The following HMCN2 variants were observed in gnomAD, a reference collection of about 807,000 sequenced individuals.
HMCN2 encodes hemicentin-2.
Under a neutral mutation model 377.5 loss-of-function variants are expected in HMCN2, and 325 were observed. The observed-to-expected ratio is 0.86, with a 90% CI of 0.79 to 0.94. HMCN2 has a LOEUF of 0.94. Ranked by LOEUF, HMCN2 falls within the 40% of genes least tolerant of loss-of-function variation. The pLI is 0.00. For synonymous variants in HMCN2, 2,007 were observed against 2,046.8 expected (o/e 0.98, Z 0.53); for missense variants, 4,543 against 4,725.3 (o/e 0.96, Z 1.13).
In HMCN2 at chr9:130,360,929, C is replaced by G. The variant is rs1001648625; in HGVS notation, c.5950+325C>G. On this transcript the variant is annotated intron_variant, in intron 38 of 97. Transcript: ENST00000683500. The surrounding 1 kb of genome is among the most constrained non-coding windows in gnomAD (Gnocchi z 4.7). The stretch of plus-strand genomic sequence containing the variant: ...CCATCCATTTATCCACCCAACCATC[C>G]TTTCATTCATTTATCTACCCACCTG... Among the ~76,000 whole-genome samples, 4 of 151,846 alleles carry G rather than the reference C, an allele frequency of 2.6e-5. No individual in the cohort carries two copies. The highest frequency in any genetic ancestry group is 6.6e-5 in the Admixed American group (1 of 15,240).
At chr9:130,376,488 C>T (rs1178446716) in intron 51 of HMCN2, 28 bp from the exon 52 acceptor site, 2 of 983,654 alleles carry the variant, frequency 2.0e-6, no homozygotes, top group Non-Finnish European at 2.4e-6. Context: ...TCCCCCAGCT[C>T]TGCTCTCAGA....
rs12352819 is a variant in HMCN2, at chr9:130,396,276, C to T, written c.11161C>T (p.Arg3721Trp). The T allele has an allele frequency of 0.037, 47,864 of 1,282,156 alleles. 2,287 individuals are homozygous for T. The highest frequency in any genetic ancestry group is 0.22 in the African/African-American group (14,682 of 65,528). The allele number at this position is 1,282,156 out of a possible 1,614,324, so 79.4% of individuals were successfully genotyped here. ...CGTGCCCGCACCCCTCGTGAGCTGG[C>T]GGAAGGACAGGGTCCCCCTGGATCC... is the stretch of plus-strand genomic sequence containing the variant. ...DGVPAPLVSWRKDRVPLDPRS... is the reference protein window; with the variant it reads ...DGVPAPLVSWWKDRVPLDPRS... The change falls in exon 73 of 98, where the codon CGG becomes TGG. Residue 3721 changes from arginine to tryptophan, a missense_variant. Arg to Trp is a moderately radical substitution (Grantham distance 101). Coordinates refer to ENST00000683500, the MANE Select transcript of HMCN2 (RefSeq NM_001291815.2).
At chr9:130,271,139 C>A (rs146564537) in intron 1 of HMCN2, among the ~76,000 whole-genome samples, 1 of 145,204 alleles carries the variant, frequency 6.9e-6, no homozygotes, top group Admixed American at 6.8e-5. Flanking sequence ...ATATCAAGAG[C>A]ACACGCTATC....
intron 59 of HMCN2, 90 bp from the exon 60 acceptor site, chr9:130,385,470 G>A: frequency 1.1e-6 from 1 of 921,850 alleles, no homozygotes; most frequent in South Asian, 1.5e-5. Flanking sequence ...GTGTGACCCT[G>A]GTGGGTTTCC....
rs1464268868 is a variant in HMCN2 at position 130,418,628 on chromosome 9, G to A, written c.12962-144G>A. ...TGTCTAGAGGGAAATATTCAGGAAC[G>A]ATGACTGGGTGGAAGGATCCTATGC... On this transcript the variant is annotated intron_variant, in intron 85 of 97. Coordinates refer to ENST00000683500, the MANE Select transcript of HMCN2 (RefSeq NM_001291815.2). 19 of 584,182 alleles carry A rather than the reference G, an allele frequency of 3.3e-5. No homozygotes were observed. In the South Asian group the frequency reaches 7.2e-4, roughly 22 times the overall value. 36.2% of individuals were successfully genotyped at this position (584,182 alleles called of 1,614,324 possible). A position where few individuals can be genotyped will look rare whatever the true frequency, so the allele number is the denominator to read the frequency against.
chr9:130,389,971 T>G (rs886312629), intron 62 of HMCN2, among the ~76,000 whole-genome samples: 4 of 152,260 alleles, frequency 2.6e-5, no homozygotes, highest in Non-Finnish European at 4.4e-5. Context: ...GTGCATCCAC[T>G]GGTCAGTTGA....
rs780165429 is a variant in HMCN2, at chr9:130,425,847, G to C, written c.13802G>C (p.Arg4601Pro). ...CAGCCCCAGCTGGTGCAGCACCTGC[G>C]GGCCTCAGCTATCAGCTCGGCCTTT... ...GPQPQLVQHL[R>P]ASAISSAFDP... is the part of the protein sequence containing the mutation. Residue 4601 changes from arginine (R) to proline (P), a missense_variant, in exon 90 of 98, where the codon CGG (arginine) becomes CCG (proline). Arg to Pro is a moderately radical substitution (Grantham distance 103). Transcript: ENST00000683500. 3.9e-6 allele frequency: 6 copies of C among 1,550,402 alleles called. No homozygotes were observed. The highest frequency in any genetic ancestry group is 5.2e-6 in the Non-Finnish European group (6 of 1,146,942).
At chr9:130,302,600 C>T (rs1488570328) in intron 8 of HMCN2, among the ~76,000 whole-genome samples, 2 of 152,174 alleles carry the variant, frequency 1.3e-5, no homozygotes, top group African/African-American at 4.8e-5. Context: ...GCTGGTGATG[C>T]CACACACATT....
chr9:130,364,958 G>A (rs1840613987), intron 41 of HMCN2, 69 bp downstream of exon 41: 4 of 921,672 alleles, frequency 4.3e-6, no homozygotes, highest in Non-Finnish European at 5.2e-6. Flanking sequence ...GCCTGCAGGT[G>A]CCCCAGCTCA....
chr9:130,415,996 C>T (rs901702330), intron 85 of HMCN2, among the ~76,000 whole-genome samples: 1 of 152,156 alleles, frequency 6.6e-6, no homozygotes, highest in African/African-American at 2.4e-5. Context: ...ACAGCCATCC[C>T]TAATAAAACC....
rs1361383543 is a variant in HMCN2 at position 130,403,084 on chromosome 9, G to A, written c.11879-110G>A. ...CTTGTTGCTGTGGCCGATGTTTCTA[G>A]AACCCCCGTTCTCCTTAGAGGCCTC... On this transcript the variant is annotated intron_variant, in intron 78 of 97. Transcript: ENST00000683500. The A allele has an allele frequency of 7.1e-6, 8 of 1,128,402 alleles. No homozygotes were observed. The Admixed American group carries it at 2.5e-4, about 36-fold the overall frequency. 69.9% of individuals were successfully genotyped at this position (1,128,402 alleles called of 1,614,324 possible). A position where few individuals can be genotyped will look rare whatever the true frequency, so the allele number is the denominator to read the frequency against.
rs1842522880 is a variant in HMCN2, at chr9:130,394,873, T to C, written c.10693-154T>C. On this transcript the variant is annotated intron_variant, in intron 69 of 97. Coordinates refer to ENST00000683500, the MANE Select transcript of HMCN2 (RefSeq NM_001291815.2). The surrounding 1 kb of genome is among the most constrained non-coding windows in gnomAD (Gnocchi z 5.1). ...CACCAGCCCTAAAGCAACAGTGAGA[T>C]GGAGGGAGAGGGCGTGGGTTGGCTG... is the stretch of plus-strand genomic sequence containing the variant. Among the ~76,000 whole-genome samples, 1 of 152,096 alleles carries C rather than the reference T, an allele frequency of 6.6e-6. No homozygotes were observed. The highest frequency in any genetic ancestry group is 2.1e-4 in the South Asian group (1 of 4,820).
At position 130,375,586 on chromosome 9, in the gene HMCN2, G is replaced by A; in HGVS notation, c.7654G>A (p.Ala2552Thr). ...AGTGGCTCCCACCATCCTGGGAGGG[G>A]CCGAGGACAGTGCAGATGAGGAGGT... ...VLLAPTILGG[A>T]EDSADEEVTV... is the part of the protein sequence containing the mutation. Residue 2552 changes from alanine to threonine, a missense_variant, in exon 50 of 98, where the codon GCC becomes ACC. Ala to Thr is a moderately conservative substitution (Grantham distance 58). Coordinates refer to ENST00000683500, the MANE Select transcript of HMCN2 (RefSeq NM_001291815.2). 1 of 985,856 alleles carries A rather than the reference G, an allele frequency of 1.0e-6. No homozygotes were observed. The highest frequency in any genetic ancestry group is 1.2e-6 in the Non-Finnish European group (1 of 829,956). The allele number at this position is 985,856 out of a possible 1,614,324, so 61.1% of individuals were successfully genotyped here.
Position 130,391,378 on chromosome 9 carries a change from A to G in HMCN2, c.9827+15A>G. The G allele has an allele frequency of 1.0e-6, 1 of 987,728 alleles. No homozygotes were observed. Among genetic ancestry groups the G allele is most frequent in the Non-Finnish European group, 1.2e-6 (1 of 830,124 alleles). 61.2% of individuals were successfully genotyped at this position (987,728 alleles called of 1,614,324 possible). On this transcript the variant is annotated intron_variant, in intron 64 of 97. Transcript: ENST00000683500. ...CCCCACCTCCGGTAAGACTTGGCCC[A>G]TGCCCTCCCCAGAGGCGGTAGGGCC...
intron 22 of HMCN2, among the ~76,000 whole-genome samples, chr9:130,328,704 C>T (rs894530263): frequency 0.048 from 7,273 of 152,238 alleles, 332 homozygotes; most frequent in East Asian, 0.21. Context: ...GACCCGGTGC[C>T]GAACTGCCTG....
At position 130,414,452 on chromosome 9, in the gene HMCN2, A is replaced by G. The variant is rs1422923010; in HGVS notation, c.12961+3800A>G. On this transcript the variant is annotated intron_variant, in intron 85 of 97. Transcript: ENST00000683500. This position sits in a 1 kb window ranked among gnomAD's most constrained non-coding sequence, Gnocchi z 4.4. ...AGTTTTATAGCTCTGCCAAAAACGG[A>G]AGATTTAAATAAAAATCCGAGTCTT... 2.6e-5 allele frequency among the ~76,000 whole-genome samples: 4 copies of G among 152,290 alleles called. No individual in the cohort carries two copies. Among genetic ancestry groups the G allele is most frequent in the African/African-American group, 9.6e-5 (4 of 41,560 alleles).
chr9:130,404,007 C>G, intron 80 of HMCN2, 132 bp downstream of exon 80: 1 of 876,132 alleles, frequency 1.1e-6, no homozygotes, highest in Non-Finnish European at 1.5e-6. Flanking sequence ...GAAAACATCT[C>G]TCATTGTGCG....
At chr9:130,345,246 G>A (rs1839316799) in intron 25 of HMCN2, among the ~76,000 whole-genome samples, 1 of 149,278 alleles carries the variant, frequency 6.7e-6, no homozygotes, top group Non-Finnish European at 1.5e-5. Flanking sequence ...TATGTTGTGT[G>A]TGGTATGTGT....
intron 22 of HMCN2, among the ~76,000 whole-genome samples, chr9:130,336,702 C>G (rs1361960209): frequency 4.6e-5 from 7 of 152,116 alleles, no homozygotes; most frequent in African/African-American, 1.7e-4. Context: ...GAGGGGGTGG[C>G]TGGAAAGGGG....
Sources: gnomAD v4.1 joint callset for allele counts (sites outside exome capture counted in the v4.1 genomes callset) on GRCh38, gnomAD v4.1.1 for gene constraint, Gnocchi (gnomAD v3.1) non-coding constraint, MANE v1.5 for transcripts, NCBI Gene and HGNC (gene_info 2026-07-23, HGNC 2026-07-21) for gene names.